CNTN4: variants seen among roughly 807,000 people sequenced by gnomAD.
CNTN4 encodes the protein contactin-4.
In CNTN4, 77 loss-of-function variants were observed where a neutral mutation model predicts 122.5. The ratio of observed to expected loss-of-function variants is 0.63; its 90% CI spans 0.52 to 0.76. The LOEUF (loss-of-function observed/expected upper bound fraction) is 0.76. CNTN4 is among the 30% of genes least tolerant of loss of function. The pLI is 0.00. For synonymous variants in CNTN4, 512 were observed against 447.0 expected, an observed-to-expected ratio of 1.15 and a Z score of -1.83; for missense variants, 1,256 against 1,259.1, an observed-to-expected ratio of 1.00 and a Z score of 0.04.
At chr3:2,445,811 T>C (rs1024338206) in intron 3 of CNTN4, among the ~76,000 whole-genome samples, 13 of 152,138 alleles carry the variant, frequency 8.5e-5, no homozygotes, top group African/African-American at 2.4e-4. Context: ...CCAGAACCCA[T>C]CTCTCTCCAC....
At chr3:2,933,112 G>A (rs2874549) in intron 13 of CNTN4, among the ~76,000 whole-genome samples, 119,618 of 152,014 alleles carry the variant, frequency 0.79, 47,635 homozygotes, top group African/African-American at 0.9. Flanking sequence ...GTGAGCCACC[G>A]CGCCCGGCCC....
intron 6 of CNTN4, among the ~76,000 whole-genome samples, chr3:2,746,212 A>C (rs1207996113): frequency 6.6e-6 from 1 of 152,146 alleles, no homozygotes; most frequent in Non-Finnish European, 1.5e-5. Flanking sequence ...TTGGAAAAAA[A>C]CTCAGTAGTC....
intron 10 of CNTN4, 103 bp downstream of exon 10, chr3:2,887,327 G>C: frequency 1.3e-5 from 14 of 1,057,088 alleles, no homozygotes; most frequent in Non-Finnish European, 2.0e-5. Context: ...AGATGGTGCA[G>C]AATAGGACTG....
chr3:2,356,067 C>T (rs1368991076), intron 3 of CNTN4, among the ~76,000 whole-genome samples: 1 of 152,068 alleles, frequency 6.6e-6, no homozygotes, highest in African/African-American at 2.4e-5. Context: ...GAATCCAATA[C>T]AGGTATTGGT....
At chr3:2,766,216 C>G (rs189666026) in intron 6 of CNTN4, among the ~76,000 whole-genome samples, 23 of 152,336 alleles carry the variant, frequency 1.5e-4, no homozygotes, top group Non-Finnish European at 2.8e-4. Context: ...ATTTCCTTCA[C>G]CTTTCTCCTG....
At chr3:2,680,220 A>C (rs2085093470) in intron 4 of CNTN4, among the ~76,000 whole-genome samples, 2 of 152,220 alleles carry the variant, frequency 1.3e-5, no homozygotes, top group Admixed American at 6.5e-5. Flanking sequence ...TCTCTGTGAA[A>C]ACACATAGCA....
chr3:2,677,977 A>G (rs542333074), intron 4 of CNTN4, among the ~76,000 whole-genome samples: 3 of 152,312 alleles, frequency 2.0e-5, no homozygotes, highest in African/African-American at 4.8e-5. Flanking sequence ...TTAGTGTATA[A>G]TAACCTCAGA....
In CNTN4 at chr3:3,049,337, C is replaced by G. The variant is rs573208248; in HGVS notation, c.2812-4470C>G. Among the ~76,000 whole-genome samples the G allele has an allele frequency of 1.8e-4, 28 of 152,338 alleles. No individual in the cohort carries two copies. In the South Asian group the frequency reaches 5.6e-3, roughly 30 times the overall value. The stretch of plus-strand genomic sequence containing the variant: ...ACCTCAGGTGATCCGCCTGCCTCAG[C>G]CTCCCAAAGTGCTGGGATTACAGGC... On this transcript the variant is annotated intron_variant, in intron 23 of 24. Coordinates refer to ENST00000418658, the MANE Select transcript of CNTN4 (RefSeq NM_175607.3).
At chr3:2,286,747 C>T (rs1008771400) in intron 2 of CNTN4, among the ~76,000 whole-genome samples, 1 of 151,932 alleles carries the variant, frequency 6.6e-6, no homozygotes, top group East Asian at 1.9e-4. Context: ...CTCTGGGCAC[C>T]ATATTTTCAA....
intron 3 of CNTN4, among the ~76,000 whole-genome samples, chr3:2,364,025 C>T (rs981186676): frequency 9.2e-5 from 14 of 151,980 alleles, no homozygotes; most frequent in African/African-American, 3.1e-4. Context: ...TTATGTTTCA[C>T]CCATCTGAGA....
At chr3:2,834,693 TATG>T (rs1252256732) in intron 7 of CNTN4, among the ~76,000 whole-genome samples, 1 of 152,000 alleles carries the variant, frequency 6.6e-6, no homozygotes, top group African/African-American at 2.4e-5. Flanking sequence ...GTGTGTAGCT[TATG>T]AAATATAAAG....
At chr3:2,520,626 T>G (rs1322193778) in intron 3 of CNTN4, among the ~76,000 whole-genome samples, 1 of 152,032 alleles carries the variant, frequency 6.6e-6, no homozygotes, top group Non-Finnish European at 1.5e-5. Flanking sequence ...ATTGGGCAAA[T>G]AGAGGAAATC....
chr3:2,845,435 T>C (rs1314037783), intron 7 of CNTN4, among the ~76,000 whole-genome samples: 1 of 151,984 alleles, frequency 6.6e-6, no homozygotes, highest in Non-Finnish European at 1.5e-5. Context: ...AATTACTTTA[T>C]TAGTAAATAA....
intron 3 of CNTN4, among the ~76,000 whole-genome samples, chr3:2,508,156 G>A (rs2149051335): frequency 6.6e-6 from 1 of 152,188 alleles, no homozygotes; most frequent in African/African-American, 2.4e-5. Context: ...CATACTTTTG[G>A]CTTACTTCTT....
chr3:3,012,173 A>G (rs1697297393), intron 14 of CNTN4, among the ~76,000 whole-genome samples: 1 of 152,104 alleles, frequency 6.6e-6, no homozygotes, highest in Non-Finnish European at 1.5e-5. Context: ...CCTCACCACA[A>G]GAATCTAGAT....
chr3:2,515,106 G>T (rs73114226), intron 3 of CNTN4, among the ~76,000 whole-genome samples: 2,557 of 152,032 alleles, frequency 0.017, 85 homozygotes, highest in African/African-American at 0.059. Flanking sequence ...ACCTGTTTGC[G>T]GCTTTCTCTT....
intron 2 of CNTN4, among the ~76,000 whole-genome samples, chr3:2,329,621 G>A (rs1184200584): frequency 2.0e-5 from 3 of 152,158 alleles, no homozygotes; most frequent in African/African-American, 2.4e-5. Flanking sequence ...GGGCAGTGCA[G>A]TACAAAAAAC....
At chr3:2,248,523 G>C (rs2040240371) in intron 2 of CNTN4, among the ~76,000 whole-genome samples, 2 of 151,934 alleles carry the variant, frequency 1.3e-5, no homozygotes, top group Admixed American at 1.3e-4. Context: ...TTTCAGGAAG[G>C]AAAAGAAAAC....
At chr3:2,219,212 C>T (rs2038967299) in intron 2 of CNTN4, among the ~76,000 whole-genome samples, 1 of 152,140 alleles carries the variant, frequency 6.6e-6, no homozygotes, top group Admixed American at 6.5e-5. Flanking sequence ...TATATTTTAA[C>T]CAGTTCCTTG....
Sources: allele counts gnomAD v4.1 joint callset (sites outside exome capture counted in the v4.1 genomes callset), GRCh38; gene constraint gnomAD v4.1.1; transcripts MANE v1.5; gene names NCBI Gene and HGNC (gene_info 2026-07-23, HGNC 2026-07-21).